ZFPM2: variants seen among roughly 807,000 people sequenced by gnomAD.
ZFPM2 encodes zinc finger protein ZFPM2.
Under a neutral mutation model 98.6 loss-of-function variants are expected in ZFPM2, and 20 were observed. That is an observed-to-expected ratio of 0.20 (90% confidence interval 0.14 to 0.29). The LOEUF (loss-of-function observed/expected upper bound fraction) is 0.29, where lower values mean the gene tolerates loss of function less well. Among genes scored for constraint, ZFPM2 ranks in the 10% least tolerant of loss-of-function variants. The pLI is 1.00. For synonymous variants in ZFPM2, 518 were observed against 502.7 expected, an observed-to-expected ratio of 1.03 and a Z score of -0.41; for missense variants, 1,310 against 1,388.6, an observed-to-expected ratio of 0.94 and a Z score of 0.90.
intron 4 of ZFPM2, among the ~76,000 whole-genome samples, chr8:105,579,258 A>G (rs867075868): frequency 6.6e-6 from 1 of 152,194 alleles, no homozygotes; most frequent in Admixed American, 6.5e-5. Context: ...TTAGCATCCT[A>G]TATTTCTGTT....
rs118143789 is a variant in ZFPM2, at chr8:105,749,113, A to G, written c.533-39605A>G. Among the ~76,000 whole-genome samples the G allele has an allele frequency of 2.8e-4, 43 of 152,212 alleles. 1 individual carries two copies. The East Asian group carries it at 8.2e-3, about 29-fold the overall frequency. On this transcript the variant is annotated intron_variant, in intron 5 of 7. Transcript: ENST00000407775. ...ATTACTTTCCATGGTGATATTAATA[A>G]TGAAGGAGCAAAATAAAATATGGAA...
At chr8:105,488,371 G>C (rs1813279650) in intron 3 of ZFPM2, among the ~76,000 whole-genome samples, 1 of 152,156 alleles carries the variant, frequency 6.6e-6, no homozygotes, top group Admixed American at 6.5e-5. Context: ...TGCTTGTTAG[G>C]AAGATGAGTG....
chr8:105,619,372 T>G (rs1181163993), intron 4 of ZFPM2, among the ~76,000 whole-genome samples: 1 of 152,102 alleles, frequency 6.6e-6, no homozygotes. Flanking sequence ...ATTTAGATAT[T>G]TTTATTATTA....
At chr8:105,532,005 A>G (rs548550576) in intron 3 of ZFPM2, among the ~76,000 whole-genome samples, 7 of 152,168 alleles carry the variant, frequency 4.6e-5, no homozygotes, top group South Asian at 4.1e-4. Flanking sequence ...GGTTCAAGCT[A>G]TCTTCTCACT....
intron 3 of ZFPM2, among the ~76,000 whole-genome samples, chr8:105,550,157 CT>C (rs1228140293): frequency 1.3e-5 from 2 of 151,996 alleles, no homozygotes; most frequent in African/African-American, 2.4e-5. Context: ...GCTTGCCACC[CT>C]TAGCCCTGTG....
At chr8:105,610,563 G>A (rs768852305) in intron 4 of ZFPM2, among the ~76,000 whole-genome samples, 20 of 151,888 alleles carry the variant, frequency 1.3e-4, no homozygotes, top group African/African-American at 4.1e-4. Context: ...TATCAACTTC[G>A]TTTCTATGCC....
intron 5 of ZFPM2, among the ~76,000 whole-genome samples, chr8:105,694,049 C>G (rs373508437): frequency 7.5e-6 from 1 of 133,524 alleles, no homozygotes; most frequent in Admixed American, 8.3e-5. Flanking sequence ...TGCAGTGGTG[C>G]GATCTCGGCT....
chr8:105,775,946 C>A (rs991404415), intron 5 of ZFPM2, among the ~76,000 whole-genome samples: 1 of 152,104 alleles, frequency 6.6e-6, no homozygotes, highest in African/African-American at 2.4e-5. Context: ...CTTTTATATT[C>A]ACGGGACAAA....
chr8:105,331,168 T>TACACACACAC (rs113815707), intron 1 of ZFPM2, among the ~76,000 whole-genome samples: 14 of 146,664 alleles, frequency 9.5e-5, no homozygotes, highest in Non-Finnish European at 1.8e-4. Flanking sequence ...ATATATATTA[T>TACACACACAC]ACACACACAC....
At chr8:105,653,869 T>TC (rs1454542028) in intron 5 of ZFPM2, among the ~76,000 whole-genome samples, 1 of 137,832 alleles carries the variant, frequency 7.3e-6, no homozygotes, top group African/African-American at 2.7e-5. Context: ...TTTTTTTTTT[T>TC]TTTTTTTTTT....
intron 5 of ZFPM2, among the ~76,000 whole-genome samples, chr8:105,698,744 G>A (rs781516460): frequency 2.0e-5 from 3 of 152,090 alleles, no homozygotes; most frequent in African/African-American, 7.2e-5. Flanking sequence ...ATAAACATTG[G>A]TTATATAGTT....
chr8:105,446,315 C>G (rs903584770), intron 3 of ZFPM2, among the ~76,000 whole-genome samples: 27 of 152,198 alleles, frequency 1.8e-4, no homozygotes, highest in African/African-American at 5.3e-4. Context: ...TGCCTGCTTG[C>G]GAAAAGGTAC....
intron 1 of ZFPM2, among the ~76,000 whole-genome samples, chr8:105,362,415 G>A (rs909745194): frequency 9.2e-5 from 14 of 151,920 alleles, no homozygotes; most frequent in Admixed American, 5.9e-4. Context: ...TATGTCTGAC[G>A]CCTACTGAAA....
intron 2 of ZFPM2, among the ~76,000 whole-genome samples, chr8:105,430,945 T>C (rs1445356347): frequency 1.4e-5 from 2 of 148,046 alleles, no homozygotes; most frequent in Non-Finnish European, 3.0e-5. Context: ...ACAATGTCGC[T>C]CAGGCTGGAG....
At chr8:105,625,745 A>T (rs1816640798) in intron 4 of ZFPM2, among the ~76,000 whole-genome samples, 1 of 151,764 alleles carries the variant, frequency 6.6e-6, no homozygotes. Flanking sequence ...AAACCTGGCT[A>T]ATGTTTTTTG....
chr8:105,372,748 T>G (rs969241947), intron 1 of ZFPM2, among the ~76,000 whole-genome samples: 7 of 152,144 alleles, frequency 4.6e-5, no homozygotes, highest in African/African-American at 1.7e-4. Context: ...GTTTGAGTTA[T>G]TTAATATTTA....
At chr8:105,466,774 CA>C (rs35416497) in intron 3 of ZFPM2, among the ~76,000 whole-genome samples, 4,522 of 151,660 alleles carry the variant, frequency 0.03, 84 homozygotes, top group Non-Finnish European at 0.045. Context: ...AATTGCCTTA[CA>C]TTTTTTTTTT....
intron 3 of ZFPM2, among the ~76,000 whole-genome samples, chr8:105,493,529 G>A (rs1813397695): frequency 6.6e-6 from 1 of 152,136 alleles, no homozygotes; most frequent in Admixed American, 6.6e-5. Flanking sequence ...TGCTCCACCT[G>A]TGATGTCACT....
intron 5 of ZFPM2, among the ~76,000 whole-genome samples, chr8:105,680,917 G>A (rs1180342715): frequency 6.6e-6 from 1 of 151,868 alleles, no homozygotes; most frequent in African/African-American, 2.4e-5. Context: ...AAATATCAAG[G>A]AGCAGACAAC....
Sources: gnomAD v4.1 joint callset for allele counts (sites outside exome capture counted in the v4.1 genomes callset) on GRCh38, gnomAD v4.1.1 for gene constraint, MANE v1.5 for transcripts, NCBI Gene and HGNC (gene_info 2026-07-23, HGNC 2026-07-21) for gene names.